SACS: variants seen among roughly 807,000 people sequenced by gnomAD.
SACS encodes the protein sacsin molecular chaperone, also known as sacsin.
In SACS, 197 loss-of-function variants were observed where a neutral mutation model predicts 348.0. The observed-to-expected ratio is 0.57, with a 90% confidence interval of 0.50 to 0.64. The LOEUF (loss-of-function observed/expected upper bound fraction) is 0.64. Among genes scored for constraint, SACS ranks in the 30% least tolerant of loss-of-function variants. The pLI is 0.00. For synonymous variants in SACS, 1,985 were observed against 1,910.6 expected (o/e 1.04, Z -1.02); for missense variants, 4,999 against 5,360.8 (o/e 0.93, Z 2.11).
At chr13:23,375,824 A>G (rs936915513) in intron 2 of SACS, among the ~76,000 whole-genome samples, 27 of 152,216 alleles carry the variant, frequency 1.8e-4, no homozygotes, top group African/African-American at 5.8e-4. Flanking sequence ...GGCAAACCCA[A>G]TAAGGGTATA....
At chr13:23,410,251 T>G (rs935409974) in intron 2 of SACS, among the ~76,000 whole-genome samples, 1 of 152,176 alleles carries the variant, frequency 6.6e-6, no homozygotes, top group Non-Finnish European at 1.5e-5. Flanking sequence ...ACTAGAAATA[T>G]GGAAAACAAT....
At position 23,333,255 on chromosome 13, in the gene SACS, A is replaced by G; in HGVS notation, c.10621T>C (p.Tyr3541His). 1 of 1,600,792 alleles carries G rather than the reference A, an allele frequency of 6.2e-7. No individual in the cohort carries two copies. The highest frequency in any genetic ancestry group is 1.1e-5 in the South Asian group (1 of 87,968). Residue 3541 changes from tyrosine (Y) to histidine (H), a missense_variant, in exon 10 of 10, where the codon TAT becomes CAT. By Grantham distance (83) the Tyr-to-His change is moderately conservative (BLOSUM62 2). This residue lies in a region of SACS where 831 missense variants were observed against 941.8 expected (regional missense o/e 0.88). Coordinates refer to ENST00000382292, the MANE Select transcript of SACS (RefSeq NM_014363.6). ...NSRLKQAKHFYDRTVRVFEVM... is the reference protein window; with the variant it reads ...NSRLKQAKHFHDRTVRVFEVM... ...TCAAAAACTCTCACAGTTCTATCAT[A>G]GAAATGCTTTGCTTGCTTTAGTCTA...
chr13:23,339,073 T>C lies in SACS; in HGVS notation c.4803A>G (p.Lys1601=), dbSNP rs567166548. ...TTTTCTGTTGTTTACTCCAATTAAT[T>C]TTGATCCCAGGATTGGATTTGTCTT... ...HIKDKSNPGI[K]INWSKQQKRL... The change falls in exon 10 of 10, where the codon AAA becomes AAG. Residue 1601 remains lysine (K), a synonymous_variant. Coordinates refer to ENST00000382292, the MANE Select transcript of SACS (RefSeq NM_014363.6). 1.2e-6 allele frequency: 2 copies of C among 1,612,250 alleles called. No individual in the cohort carries two copies. The highest frequency in any genetic ancestry group is 1.6e-4 in the Middle Eastern group (1 of 6,080).
chr13:23,334,437 C>CA lies in SACS; in HGVS notation c.9438dup (p.Glu3147Ter). On this transcript the variant is annotated frameshift_variant, in exon 10 of 10. Transcript: ENST00000382292. LOFTEE classifies it high-confidence loss of function. ...AGGGGCAATCCCTCAACTTCAATCT[C>CA]ATTTTCTTCTGCATCTTTAAAACAA... The CA allele has an allele frequency of 6.2e-7, 1 of 1,612,592 alleles. No homozygotes were observed. The highest frequency in any genetic ancestry group is 1.7e-5 in the Admixed American group (1 of 59,954).
At chr13:23,372,012 T>A (rs1421043951) in intron 3 of SACS, among the ~76,000 whole-genome samples, 16 of 152,350 alleles carry the variant, frequency 1.1e-4, no homozygotes. Context: ...AATTTTTTTT[T>A]AAATTTGTGT....
intron 2 of SACS, among the ~76,000 whole-genome samples, chr13:23,410,786 A>AT (rs1333923204): frequency 6.6e-6 from 1 of 152,200 alleles, no homozygotes; most frequent in Non-Finnish European, 1.5e-5. Flanking sequence ...TTTTGTCATA[A>AT]TTTATAAAGG....
In SACS at chr13:23,331,364, T is replaced by A; in HGVS notation, c.12512A>T (p.Asp4171Val). 6.2e-7 allele frequency: 1 copy of A among 1,614,044 alleles called. No individual in the cohort carries two copies. Among genetic ancestry groups the A allele is most frequent in the Non-Finnish European group, 8.5e-7 (1 of 1,179,948 alleles). ...PAEIHYTLLM[D>V]PMNVFYPGEY... Reference sequence around the variant, plus strand: ...TCCCGGGTAAAAAACATTCATTGGGTCCATAAGCAGAGTGTAATGAATTTC... The same window carrying A: ...TCCCGGGTAAAAAACATTCATTGGGACCATAAGCAGAGTGTAATGAATTTC... The change falls in exon 10 of 10, where the codon GAC (aspartate) becomes GTC (valine). Residue 4171 changes from aspartate to valine, a missense_variant. Asp to Val is a radical substitution (Grantham distance 152, BLOSUM62 -3). This residue lies in a region of SACS where 831 missense variants were observed against 941.8 expected (regional missense o/e 0.88). Transcript: ENST00000382292.
intron 3 of SACS, among the ~76,000 whole-genome samples, chr13:23,372,067 A>G (rs991705224): frequency 6.6e-6 from 1 of 152,242 alleles, no homozygotes; most frequent in Non-Finnish European, 1.5e-5. Flanking sequence ...ATAGTCATTA[A>G]TATGTCACAG....
chr13:23,426,709 G>A (rs1463661703), intron 1 of SACS, among the ~76,000 whole-genome samples: 2 of 151,650 alleles, frequency 1.3e-5, no homozygotes, highest in Non-Finnish European at 2.9e-5. Flanking sequence ...GCAAAAGCAA[G>A]AAGACTGGAA....
At chr13:23,397,931 C>T (rs1248178151) in intron 2 of SACS, among the ~76,000 whole-genome samples, 1 of 152,174 alleles carries the variant, frequency 6.6e-6, no homozygotes, top group East Asian at 1.9e-4. Context: ...GTGGCTGATG[C>T]CTGTAATCCC....
chr13:23,413,580 A>T (rs1873585313), intron 1 of SACS, among the ~76,000 whole-genome samples: 1 of 152,166 alleles, frequency 6.6e-6, no homozygotes, highest in Non-Finnish European at 1.5e-5. Flanking sequence ...GAAAAAAAGG[A>T]ATGTAGGAAT....
chr13:23,375,428 C>A (rs931062963), intron 2 of SACS, 159 bp from the exon 3 acceptor site: 55 of 1,201,412 alleles, frequency 4.6e-5, no homozygotes, highest in Non-Finnish European at 5.5e-5. Flanking sequence ...CCGGCCCTAC[C>A]GCGTCCACAG....
chr13:23,397,951 G>A (rs967375894), intron 2 of SACS, among the ~76,000 whole-genome samples: 13 of 152,154 alleles, frequency 8.5e-5, no homozygotes, highest in Non-Finnish European at 1.6e-4. Context: ...CTACACTTTG[G>A]GAGGCCGAGG....
Position 23,334,331 on chromosome 13 carries a change from G to A in SACS, c.9545C>T (p.Pro3182Leu). The A allele has an allele frequency of 6.2e-7, 1 of 1,611,122 alleles. No individual in the cohort carries two copies. The highest frequency in any genetic ancestry group is 8.5e-7 in the Non-Finnish European group (1 of 1,178,318). ...KFLTTYHELI[P>L]SRKDLFMNTL... ...ATTCATAAACAAGTCTTTGCGGGATGGAATCAATTCATGATATGTTGTTAG... is the reference window on the plus strand; with the variant it reads ...ATTCATAAACAAGTCTTTGCGGGATAGAATCAATTCATGATATGTTGTTAG... Residue 3182 changes from proline (P) to leucine (L), a missense_variant, in exon 10 of 10, where the codon CCA (proline) becomes CTA (leucine). This residue lies in a region of SACS where 734 missense variants were observed against 694.0 expected (regional missense o/e 1.06). Coordinates refer to ENST00000382292, the MANE Select transcript of SACS (RefSeq NM_014363.6).
intron 6 of SACS, among the ~76,000 whole-genome samples, chr13:23,361,395 C>T (rs1245060535): frequency 6.6e-6 from 1 of 152,174 alleles, no homozygotes; most frequent in East Asian, 1.9e-4. Context: ...CACTCTCTGC[C>T]TCTATTACCA....
In SACS at chr13:23,360,283, C is replaced by T. The variant is rs146605412; in HGVS notation, c.458-1802G>A. On this transcript the variant is annotated intron_variant, in intron 6 of 9. Transcript: ENST00000382292. ...ATATAATTTTACATATTAAATATTA[C>T]AGGAATAGTAATTAAATATCTTGTT... 3.5e-4 allele frequency among the ~76,000 whole-genome samples: 53 copies of T among 150,416 alleles called. 1 individual carries two copies. In the East Asian group the frequency reaches 8.2e-3, roughly 23 times the overall value.
intron 2 of SACS, among the ~76,000 whole-genome samples, chr13:23,381,823 G>T (rs17078675): frequency 0.051 from 7,702 of 152,214 alleles, 686 homozygotes; most frequent in African/African-American, 0.18. Flanking sequence ...TGGAGTTAGG[G>T]TGATATTGTC....
chr13:23,415,855 TAA>T lies in SACS; in HGVS notation c.-501-4117_-501-4116del, dbSNP rs373937453. 2.1e-3 allele frequency among the ~76,000 whole-genome samples: 327 copies of T among 152,314 alleles called. 2 individuals carry two copies. The highest frequency in any genetic ancestry group is 2.7e-3 in the Non-Finnish European group (186 of 68,036). ...TGATCGAAGTGCCTGCTGAAAACAC[TAA>T]GTCTTTAACCTGCTCTTTGTTATTA... On this transcript the variant is annotated intron_variant, in intron 1 of 9. Transcript: ENST00000382292.
chr13:23,431,039 A>G (rs79329065), intron 1 of SACS, among the ~76,000 whole-genome samples: 1,699 of 152,264 alleles, frequency 0.011, 35 homozygotes, highest in African/African-American at 0.039. Context: ...CTAATAAGAA[A>G]TACTTGGGGT....
Sources: gnomAD v4.1 joint callset for allele counts (sites outside exome capture counted in the v4.1 genomes callset) on GRCh38, gnomAD v4.1.1 for gene constraint, gnomAD v4.1.1 regional missense constraint, MANE v1.5 for transcripts, NCBI Gene and HGNC (gene_info 2026-07-23, HGNC 2026-07-21) for gene names.